Variants in RAE1 observed in about 807,000 individuals in gnomAD.
RAE1 encodes the protein ribonucleic acid export 1, also known as mRNA export factor RAE1.
A neutral mutation model predicts 52.7 loss-of-function variants in RAE1; 13 were observed. The ratio of observed to expected loss-of-function variants is 0.25; its 90% CI spans 0.16 to 0.39. The LOEUF (loss-of-function observed/expected upper bound fraction) is 0.39, where lower values mean the gene tolerates loss of function less well. Ranked by LOEUF, RAE1 falls within the 10% of genes least tolerant of loss-of-function variation. The pLI, the probability that RAE1 is intolerant of heterozygous loss-of-function variation, is 1.00. For synonymous variants in RAE1, 164 were observed against 153.1 expected, an observed-to-expected ratio of 1.07 and a Z score of -0.52; for missense variants, 262 against 459.8, an observed-to-expected ratio of 0.57 and a Z score of 3.93.
intron 3 of RAE1, 35 bp downstream of exon 3, chr20:57,354,851 T>C: frequency 6.7e-7 from 1 of 1,483,000 alleles, no homozygotes; most frequent in Non-Finnish European, 9.2e-7. Context: ...CTAGAAATCA[T>C]CTCTCTTTGT....
intron 8 of RAE1, 61 bp from the exon 9 acceptor site, chr20:57,373,414 A>G (rs1057379743): frequency 3.3e-6 from 5 of 1,514,388 alleles, no homozygotes; most frequent in Non-Finnish European, 4.5e-6. Context: ...ACTTACCTTC[A>G]CGTTAGTCAT....
intron 11 of RAE1, among the ~76,000 whole-genome samples, chr20:57,377,338 TCTTAAAACTTAAATGTGATCA>T (rs2067130769): frequency 6.6e-6 from 1 of 152,118 alleles, no homozygotes; most frequent in African/African-American, 2.4e-5. Context: ...TCACCTCTCT[TCTTAAAACTTAAATGTGATCA>T]CATCACTGAC....
In RAE1 at chr20:57,373,440, G is replaced by A. The variant is rs747578934; in HGVS notation, c.643-35G>A. On this transcript the variant is annotated intron_variant, in intron 8 of 11. Transcript: ENST00000395841. ...CGTTAGTCATGAAATCTTATATTAT[G>A]CTGTGATTATGTCTCTTTTTTATTT... The A allele has an allele frequency of 3.8e-6, 6 of 1,578,900 alleles. No homozygotes were observed. The South Asian group carries it at 5.6e-5, about 15-fold the overall frequency.
At position 57,360,999 on chromosome 20, in the gene RAE1, G is replaced by A. The variant is rs552313978; in HGVS notation, c.289-4357G>A. 7.2e-5 allele frequency among the ~76,000 whole-genome samples: 11 copies of A among 152,254 alleles called. No individual in the cohort carries two copies. The East Asian group carries it at 2.1e-3, about 29-fold the overall frequency. ...GGACCAAACCTATCTATAAGGTTTT[G>A]TGGACCCATCTAGACATTTTCAGTG... On this transcript the variant is annotated intron_variant, in intron 4 of 11. Coordinates refer to ENST00000395841, the MANE Select transcript of RAE1 (RefSeq NM_003610.4).
rs760781218 is a variant in RAE1 at position 57,378,037 on chromosome 20, A to G, written c.1045A>G (p.Lys349Glu). ...GGGACATGAATTTTATAATCCCCAG[A>G]AAAAAAATTACATTTTCCTGCGTAA... ...SKGHEFYNPQKKNYIFLRNAA... is the reference protein window; with the variant it reads ...SKGHEFYNPQEKNYIFLRNAA... The change falls in exon 12 of 12, where the codon AAA becomes GAA. Residue 349 changes from lysine to glutamate, a missense_variant. Coordinates refer to ENST00000395841, the MANE Select transcript of RAE1 (RefSeq NM_003610.4). 2.4e-5 allele frequency: 39 copies of G among 1,609,916 alleles called. No individual in the cohort carries two copies. The highest frequency in any genetic ancestry group is 3.1e-5 in the Non-Finnish European group (37 of 1,176,806).
In RAE1 at chr20:57,356,478, G is replaced by C; in HGVS notation, c.228G>C (p.Gln76His). ...GCTGGGAAGTTCAAGACAGTGGACA[G>C]ACCATTCCAAAAGCCCAGCAGATGC... The part of the protein sequence containing the change: ...VRCWEVQDSG[Q>H]TIPKAQQMHT... Residue 76 changes from glutamine (Q) to histidine (H), a missense_variant, in exon 4 of 12, where the codon CAG becomes CAC. Transcript: ENST00000395841. 6.2e-7 allele frequency: 1 copy of C among 1,613,352 alleles called. No homozygotes were observed. The highest frequency in any genetic ancestry group is 8.5e-7 in the Non-Finnish European group (1 of 1,179,508).
At chr20:57,360,711 A>G (rs922000013) in intron 4 of RAE1, among the ~76,000 whole-genome samples, 4 of 152,222 alleles carry the variant, frequency 2.6e-5, no homozygotes, top group Admixed American at 6.5e-5. Context: ...GCCAAGTTCT[A>G]TTAGCTTGGG....
In RAE1 at chr20:57,365,426, C is replaced by A; in HGVS notation, c.359C>A (p.Ala120Glu). The change falls in exon 5 of 12, where the codon GCG (alanine) becomes GAG (glutamate). Residue 120 changes from alanine (A) to glutamate (E), a missense_variant. Ala to Glu is a moderately radical substitution (Grantham distance 107). Transcript: ENST00000395841. ...AKMWDLSSNQAIQIAQHDAPV... is the reference protein window; with the variant it reads ...AKMWDLSSNQEIQIAQHDAPV... Reference sequence around the variant, plus strand: ...ATGTGGGACCTCAGCAGTAACCAAGCGATACAGATCGCACAGGTAACAGAA... The same window carrying A: ...ATGTGGGACCTCAGCAGTAACCAAGAGATACAGATCGCACAGGTAACAGAA... 1 of 1,606,362 alleles carries A rather than the reference C, an allele frequency of 6.2e-7. No individual in the cohort carries two copies. Among genetic ancestry groups the A allele is most frequent in the Non-Finnish European group, 8.5e-7 (1 of 1,174,982 alleles).
At position 57,378,209 on chromosome 20, in the gene RAE1, A is replaced by G. The variant is rs2067143739; in HGVS notation, c.*110A>G. Reference sequence around the variant, plus strand: ...TTGTCAGCCATGGACATGGATTTCAACCCCTGGAGAAAACGATGTCATTGT... The same window carrying G: ...TTGTCAGCCATGGACATGGATTTCAGCCCCTGGAGAAAACGATGTCATTGT... On this transcript the variant is annotated 3_prime_UTR_variant, in exon 12 of 12. Transcript: ENST00000395841. The G allele has an allele frequency of 3.4e-6, 3 of 876,412 alleles. No individual in the cohort carries two copies. The highest frequency in any genetic ancestry group is 1.8e-5 in the South Asian group (1 of 54,944). The allele number at this position is 876,412 out of a possible 1,614,324, so 54.3% of individuals were successfully genotyped here.
chr20:57,372,609 A>G (rs2067052847), intron 8 of RAE1: 1 of 152,234 alleles, frequency 6.6e-6, no homozygotes, highest in South Asian at 2.1e-4. Flanking sequence ...GCAGTTTTTA[A>G]AAAGGCAGGG....
chr20:57,370,899 G>A (rs902972698), intron 8 of RAE1, among the ~76,000 whole-genome samples: 2 of 152,034 alleles, frequency 1.3e-5, no homozygotes, highest in South Asian at 2.1e-4. Flanking sequence ...TGCCCCTCTC[G>A]GCCACCACCA....
At chr20:57,359,181 G>A (rs567444844) in intron 4 of RAE1, 10 of 480,830 alleles carry the variant, frequency 2.1e-5, no homozygotes, top group South Asian at 8.1e-5. Context: ...GTAAACAGGC[G>A]GGGTAAGATT....
At chr20:57,375,108 G>A in intron 11 of RAE1, 1 of 669,312 alleles carries the variant, frequency 1.5e-6, no homozygotes. Context: ...GGGGTGGCAG[G>A]GCGGGTCATG....
chr20:57,370,381 C>T (rs548885001), intron 8 of RAE1, among the ~76,000 whole-genome samples: 3 of 152,204 alleles, frequency 2.0e-5, no homozygotes, highest in Non-Finnish European at 1.5e-5. Context: ...TACCCGCTAC[C>T]TCTGTGGCTC....
rs151087931 is a variant in RAE1, at chr20:57,358,810, G to A, written c.288+2272G>A. 6.7e-4 allele frequency: 294 copies of A among 440,432 alleles called. 1 individual carries two copies. In the East Asian group the frequency reaches 0.01, roughly 15 times the overall value. The allele number at this position is 440,432 out of a possible 1,614,324, so 27.3% of individuals were successfully genotyped here. A position where few individuals can be genotyped will look rare whatever the true frequency, so the allele number is the denominator to read the frequency against. ...TGTGTAATAACTCACTTAGACTTGT[G>A]TGGTCTTAGGTTGTTAGGAGGTTGA... On this transcript the variant is annotated intron_variant, in intron 4 of 11. Coordinates refer to ENST00000395841, the MANE Select transcript of RAE1 (RefSeq NM_003610.4).
At position 57,373,455 on chromosome 20, in the gene RAE1, CTT is replaced by C. The variant is rs1185618131; in HGVS notation, c.643-15_643-14del. 2 of 1,599,154 alleles carry C rather than the reference CTT, an allele frequency of 1.3e-6. No individual in the cohort carries two copies. The highest frequency in any genetic ancestry group is 1.7e-6 in the Non-Finnish European group (2 of 1,167,564). ...CTTATATTATGCTGTGATTATGTCT[CTT>C]TTTTATTTTAACTGTAGCATCGGTG... is the stretch of plus-strand genomic sequence containing the variant. On this transcript the variant is annotated intron_variant, in intron 8 of 11. Coordinates refer to ENST00000395841, the MANE Select transcript of RAE1 (RefSeq NM_003610.4).
chr20:57,377,537 C>T (rs1346546531), intron 11 of RAE1, among the ~76,000 whole-genome samples: 1 of 152,218 alleles, frequency 6.6e-6, no homozygotes, highest in Non-Finnish European at 1.5e-5. Flanking sequence ...CCGCACACGC[C>T]TCTGGCTCAC....
chr20:57,358,818 A>G (rs1013947258), intron 4 of RAE1: 13 of 461,734 alleles, frequency 2.8e-5, no homozygotes, highest in Non-Finnish European at 4.5e-5. Context: ...GTGTGGTCTT[A>G]GGTTGTTAGG....
chr20:57,358,892 G>C (rs368392449), intron 4 of RAE1: 32 of 1,217,450 alleles, frequency 2.6e-5, no homozygotes, highest in Non-Finnish European at 3.3e-5. Context: ...GGAGGCTAGG[G>C]CCTGTAGGCT....
Sources: allele counts gnomAD v4.1 joint callset (sites outside exome capture counted in the v4.1 genomes callset), GRCh38; gene constraint gnomAD v4.1.1; transcripts MANE v1.5; gene names NCBI Gene and HGNC (gene_info 2026-07-23, HGNC 2026-07-21).